Variants in ZNF208 observed in about 807,000 individuals in gnomAD.
The protein encoded by ZNF208 is zinc finger protein 208.
Under a neutral mutation model 12.1 loss-of-function variants are expected in ZNF208, and 10 were observed. That is an observed-to-expected ratio of 0.83 (90% CI 0.51 to 1.40). ZNF208 has a LOEUF of 1.40. Among genes scored for constraint, ZNF208 ranks in the 40% most tolerant of loss-of-function variants. ZNF208 has a pLI of 0.00. For missense variants in ZNF208, 1,652 were observed against 1,485.0 expected, an observed-to-expected ratio of 1.11 and a Z score of -1.85; for synonymous variants, 497 against 488.4, an observed-to-expected ratio of 1.02 and a Z score of -0.23.
downstream of ZNF208, among the ~76,000 whole-genome samples, chr19:21,964,348 T>C (rs1211312117): frequency 6.6e-6 from 1 of 151,784 alleles, no homozygotes; most frequent in Non-Finnish European, 1.5e-5. Context: ...TTTTTAATGT[T>C]CAAAATAATA....
chr19:21,989,562 T>C (rs1011948501), intron 1 of ZNF208, among the ~76,000 whole-genome samples: 2 of 152,122 alleles, frequency 1.3e-5, no homozygotes, highest in African/African-American at 4.8e-5. Flanking sequence ...TGTGTCTTTA[T>C]AGCAGCATGA....
At position 21,968,119 on chromosome 19, in the gene ZNF208, A is replaced by C. The variant is rs1208127421; in HGVS notation, c.*3072T>G. On this transcript the variant is annotated 3_prime_UTR_variant, in exon 4 of 4. Transcript: ENST00000397126. The stretch of plus-strand genomic sequence containing the variant: ...AAGATTTTTTTTGAAGTCTTTTTCC[A>C]GGCTTAGAACTCTTTTGGTGAAACC... 1 of 152,058 alleles carries C rather than the reference A, an allele frequency of 6.6e-6. No homozygotes were observed. The highest frequency in any genetic ancestry group is 1.5e-5 in the Non-Finnish European group (1 of 68,000). The allele number at this position is 152,058 out of a possible 1,614,324, so 9.4% of individuals were successfully genotyped here.
In ZNF208 at chr19:22,004,641, C is replaced by T. The variant is rs1207909071; in HGVS notation, c.3+6151G>A. ...CAGCAACATGGATGAAGCTGGAGAT[C>T]ATTATTCTTAGAAAACTGATGCGGA... On this transcript the variant is annotated intron_variant, in intron 1 of 3. Transcript: ENST00000397126. 3.3e-5 allele frequency among the ~76,000 whole-genome samples: 5 copies of T among 152,004 alleles called. No individual in the cohort carries two copies. The East Asian group carries it at 7.7e-4, about 23-fold the overall frequency.
chr19:22,002,421 C>A (rs1035918069), intron 1 of ZNF208, among the ~76,000 whole-genome samples: 1 of 150,380 alleles, frequency 6.6e-6, no homozygotes, highest in Non-Finnish European at 1.5e-5. Context: ...TATTTGCAAA[C>A]AACATGATTC....
Position 21,988,864 on chromosome 19 carries a change from C to T in ZNF208, c.49G>A (p.Glu17Lys). Residue 17 changes from glutamate (E) to lysine (K), a missense_variant, in exon 2 of 4, where the codon GAG becomes AAG. By Grantham distance (56) the Glu-to-Lys change is moderately conservative. Transcript: ENST00000397126. ...TGTGCAGTGTCCAGGCATTGCCACT[C>T]CTCCAGAGAGAATTCTATGGCCACA... ...RDVAIEFSLE[E>K]WQCLDTAQQN... 3 of 1,614,120 alleles carry T rather than the reference C, an allele frequency of 1.9e-6. No homozygotes were observed. Among genetic ancestry groups the T allele is most frequent in the Non-Finnish European group, 2.5e-6 (3 of 1,179,976 alleles).
chr19:22,010,936 G>A lies in ZNF208; in HGVS notation c.-142C>T. ...ACCTTGACCTCCGGCTGCAGCGAGA[G>A]ACAAAGGACCGACCACATCCCGGAA... On this transcript the variant is annotated 5_prime_UTR_variant, in exon 1 of 4. Coordinates refer to ENST00000397126, the MANE Select transcript of ZNF208 (RefSeq NM_007153.3). The A allele has an allele frequency of 7.9e-7, 1 of 1,268,644 alleles. No individual in the cohort carries two copies. Among genetic ancestry groups the A allele is most frequent in the Non-Finnish European group, 1.1e-6 (1 of 883,456 alleles). 78.6% of individuals were successfully genotyped at this position (1,268,644 alleles called of 1,614,324 possible).
chr19:21,973,208 T>C lies in ZNF208; in HGVS notation c.1826A>G (p.Tyr609Cys), dbSNP rs1423966055. Residue 609 changes from tyrosine (Y) to cysteine (C), a missense_variant, in exon 4 of 4, where the codon TAC becomes TGC. Tyr to Cys is a radical substitution (Grantham distance 194). Transcript: ENST00000397126. ...HKRIHTGEKPYKCEECGKTFS... is the reference protein window; with the variant it reads ...HKRIHTGEKPCKCEECGKTFS... ...GGTTTTGCCACATTCTTCACATTTG[T>C]AGGGTTTCTCACCAGTATGAATTCT... The C allele has an allele frequency of 6.2e-7, 1 of 1,613,728 alleles. No homozygotes were observed.
Position 21,968,577 on chromosome 19 carries a change from A to G in ZNF208, c.*2614T>C, listed in dbSNP as rs1196079425. 1 of 152,096 alleles carries G rather than the reference A, an allele frequency of 6.6e-6. No individual in the cohort carries two copies. Among genetic ancestry groups the G allele is most frequent in the Non-Finnish European group, 1.5e-5 (1 of 68,028 alleles). The allele number at this position is 152,096 out of a possible 1,614,324, so 9.4% of individuals were successfully genotyped here. A position where few individuals can be genotyped will look rare whatever the true frequency, so the allele number is the denominator to read the frequency against. ...AAAATAACTTTCTGATTTGCTTTTG[A>G]ATTCAGTTTGCTAGTATTTCATGGA... is the stretch of plus-strand genomic sequence containing the variant. On this transcript the variant is annotated 3_prime_UTR_variant, in exon 4 of 4. Transcript: ENST00000397126.
downstream of ZNF208, among the ~76,000 whole-genome samples, chr19:21,963,603 T>G (rs1315586876): frequency 6.6e-6 from 1 of 151,996 alleles, no homozygotes; most frequent in Non-Finnish European, 1.5e-5. Flanking sequence ...ATTAGGGTCT[T>G]AATTTAATTG....
rs1970641973 is a variant in ZNF208, at chr19:21,987,205, C to T, written c.226+11G>A. On this transcript the variant is annotated intron_variant, in intron 3 of 3. Transcript: ENST00000397126. Reference sequence around the variant, plus strand: ...CTCTCATCCATGTTGTCTGTATTCACTCTCACCTACCTGGGGATTCTTCCA... The same window carrying T: ...CTCTCATCCATGTTGTCTGTATTCATTCTCACCTACCTGGGGATTCTTCCA... 1.9e-6 allele frequency: 3 copies of T among 1,608,514 alleles called. No individual in the cohort carries two copies. The highest frequency in any genetic ancestry group is 2.5e-6 in the Non-Finnish European group (3 of 1,177,922).
At chr19:21,962,155 C>CT (rs1201458358), downstream of ZNF208, among the ~76,000 whole-genome samples, 6 of 152,212 alleles carry the variant, frequency 3.9e-5, no homozygotes, top group African/African-American at 1.4e-4. Flanking sequence ...ACAATGAAAT[C>CT]TTCACAATTT....
At chr19:21,948,435 C>T (rs1969844654) in intron 4 of ZNF208, among the ~76,000 whole-genome samples, 1 of 152,144 alleles carries the variant, frequency 6.6e-6, no homozygotes, top group Non-Finnish European at 1.5e-5. Flanking sequence ...AGATACAAAC[C>T]CTTGGGGAAC....
chr19:21,948,607 T>A (rs1201670771), intron 4 of ZNF208, among the ~76,000 whole-genome samples: 10 of 152,108 alleles, frequency 6.6e-5, no homozygotes, highest in Non-Finnish European at 1.5e-4. Flanking sequence ...TGATTCAAGT[T>A]CCCTTCTCAT....
At chr19:21,951,887 A>G (rs1383627415) in intron 4 of ZNF208, among the ~76,000 whole-genome samples, 5 of 152,216 alleles carry the variant, frequency 3.3e-5, no homozygotes, top group Non-Finnish European at 5.9e-5. Context: ...GGATTTCCCT[A>G]TCCTAGCCTG....
chr19:22,010,746 A>G (rs751099834), intron 1 of ZNF208, 46 bp downstream of exon 1: 1 of 1,614,116 alleles, frequency 6.2e-7, no homozygotes, highest in Non-Finnish European at 8.5e-7. Flanking sequence ...ACCGGTTCCA[A>G]GCAGCCCGGG....
At chr19:22,000,354 CCACA>C (rs1970922937) in intron 1 of ZNF208, among the ~76,000 whole-genome samples, 1 of 152,066 alleles carries the variant, frequency 6.6e-6, no homozygotes, top group Admixed American at 6.6e-5. Flanking sequence ...ATTATACAAA[CCACA>C]CACACAGATT....
At chr19:21,995,918 T>C (rs556458127) in intron 1 of ZNF208, among the ~76,000 whole-genome samples, 1 of 152,338 alleles carries the variant, frequency 6.6e-6, no homozygotes, top group Non-Finnish European at 1.5e-5. Context: ...TATCTCACAA[T>C]GCAGAAAATG....
chr19:21,947,999 A>C (rs967466454), intron 4 of ZNF208, among the ~76,000 whole-genome samples: 19 of 152,112 alleles, frequency 1.2e-4, no homozygotes, highest in Non-Finnish European at 2.2e-4. Context: ...TCATGCTCGC[A>C]TCCATGGGTA....
At chr19:22,010,369 C>A (rs1394603791) in intron 1 of ZNF208, among the ~76,000 whole-genome samples, 3 of 152,198 alleles carry the variant, frequency 2.0e-5, no homozygotes, top group Non-Finnish European at 4.4e-5. Flanking sequence ...TGATTAAATT[C>A]TTTAATATTT....
Sources: gnomAD v4.1 joint callset for allele counts (sites outside exome capture counted in the v4.1 genomes callset) on GRCh38, gnomAD v4.1.1 for gene constraint, MANE v1.5 for transcripts, NCBI Gene and HGNC (gene_info 2026-07-23, HGNC 2026-07-21) for gene names.